Variants in FAAH2 observed in about 807,000 individuals in gnomAD.
FAAH2 encodes fatty acid amide hydrolase 2.
In FAAH2, 60 loss-of-function variants were observed where a neutral mutation model predicts 36.9. The observed-to-expected ratio is 1.63, with a 90% CI of 1.32 to 2.02. The LOEUF (loss-of-function observed/expected upper bound fraction) is 2.02. Ranked by LOEUF, FAAH2 falls within the 30% of genes most tolerant of loss-of-function variation. The pLI, the probability that FAAH2 is intolerant of heterozygous loss-of-function variation, is 0.00. For missense variants in FAAH2, 689 were observed against 397.5 expected (o/e 1.73, Z -6.23); for synonymous variants, 214 against 143.8 (o/e 1.49, Z -3.49).
chrX:57,383,248 C>G (rs985109286), intron 7 of FAAH2, among the ~76,000 whole-genome samples: 1 of 112,083 alleles, frequency 8.9e-6, no homozygotes, highest in Non-Finnish European at 1.9e-5. Flanking sequence ...TGGAAGCATT[C>G]CCTTTGAAAA....
intron 7 of FAAH2, among the ~76,000 whole-genome samples, chrX:57,389,040 T>C (rs2055096446): frequency 9.2e-6 from 1 of 108,890 alleles, no homozygotes; most frequent in South Asian, 3.9e-4. Flanking sequence ...ATTGTTATCT[T>C]TGAACAAAAG....
the FAAH2 span, among the ~76,000 whole-genome samples, chrX:57,253,101 C>T: frequency 2.7e-5 from 3 of 111,568 alleles, no homozygotes; most frequent in Non-Finnish European, 5.6e-5. Flanking sequence ...AACCACAGTA[C>T]TAGACTTCGT....
chrX:57,345,984 A>T (rs1017820218), intron 5 of FAAH2, among the ~76,000 whole-genome samples: 1 of 111,430 alleles, frequency 9.0e-6, no homozygotes, highest in African/African-American at 3.3e-5. Context: ...CTGATCCAAG[A>T]GTGTGTTTGG....
intron 7 of FAAH2, chrX:57,395,152 G>A: frequency 1.9e-6 from 1 of 536,053 alleles, no homozygotes. Context: ...TTCATTCAAA[G>A]ATATGATGTA....
chrX:57,419,438 TG>T (rs1468710422), intron 7 of FAAH2, among the ~76,000 whole-genome samples: 1 of 112,122 alleles, frequency 8.9e-6, no homozygotes, highest in African/African-American at 3.2e-5. Flanking sequence ...TATCTCATTG[TG>T]GTTTTGATTT....
chrX:57,150,432 A>G, the FAAH2 span, among the ~76,000 whole-genome samples: 8 of 111,979 alleles, frequency 7.1e-5, no homozygotes, highest in Admixed American at 1.9e-4. Context: ...TGCTTTATGA[A>G]TCTGGGTGCT....
At chrX:57,359,615 T>C (rs2054240432) in intron 5 of FAAH2, among the ~76,000 whole-genome samples, 1 of 112,077 alleles carries the variant, frequency 8.9e-6, no homozygotes, top group African/African-American at 3.2e-5. Context: ...CTTTATGTTA[T>C]TGATGTCAAA....
the FAAH2 span, among the ~76,000 whole-genome samples, chrX:57,225,416 C>A: frequency 1.8e-5 from 2 of 111,916 alleles, no homozygotes; most frequent in South Asian, 7.5e-4. Flanking sequence ...CATTCAGGAG[C>A]AGGTTATTTA....
chrX:57,212,240 C>CA, the FAAH2 span, among the ~76,000 whole-genome samples: 2 of 111,557 alleles, frequency 1.8e-5, no homozygotes, highest in Admixed American at 9.5e-5. Flanking sequence ...TCTCTACAAA[C>CA]AAAAAAAGTA....
chrX:57,175,555 A>C, the FAAH2 span, among the ~76,000 whole-genome samples: 1 of 111,753 alleles, frequency 8.9e-6, no homozygotes, highest in East Asian at 2.8e-4. Context: ...GAGCATTTAG[A>C]TGATTTACAT....
intron 10 of FAAH2, among the ~76,000 whole-genome samples, chrX:57,454,229 G>A (rs1050257221): frequency 4.4e-5 from 5 of 112,389 alleles, no homozygotes; most frequent in African/African-American, 1.6e-4. Flanking sequence ...TGTATCACCT[G>A]TGAAAACTAA....
the FAAH2 span, among the ~76,000 whole-genome samples, chrX:57,273,870 C>T: frequency 2.7e-5 from 3 of 111,145 alleles, no homozygotes; most frequent in Non-Finnish European, 1.9e-5. Context: ...CAGAAGCAAA[C>T]GAATTCAAAA....
the FAAH2 span, among the ~76,000 whole-genome samples, chrX:57,183,871 G>GGAC: frequency 9.0e-6 from 1 of 110,821 alleles, no homozygotes; most frequent in Non-Finnish European, 1.9e-5. Flanking sequence ...GCCTATAAAT[G>GGAC]GACGTGCAAG....
chrX:57,193,937 T>C, the FAAH2 span, among the ~76,000 whole-genome samples: 1 of 111,852 alleles, frequency 8.9e-6, no homozygotes, highest in South Asian at 3.7e-4. Flanking sequence ...TTTGTTGCAG[T>C]TTTTTGAATA....
chrX:57,468,592 A>G (rs1239159251), intron 10 of FAAH2, among the ~76,000 whole-genome samples: 1 of 112,181 alleles, frequency 8.9e-6, no homozygotes, highest in South Asian at 3.7e-4. Context: ...GAAATATGGG[A>G]CTATGTGAAA....
At chrX:57,321,178 CA>C (rs1417653154) in intron 3 of FAAH2, among the ~76,000 whole-genome samples, 1 of 109,738 alleles carries the variant, frequency 9.1e-6, no homozygotes, top group Non-Finnish European at 1.9e-5. Context: ...ATGTCCTTTG[CA>C]GGGACATGGA....
chrX:57,135,604 A>T, the FAAH2 span: 1 of 785,453 alleles, frequency 1.3e-6, no homozygotes, highest in Non-Finnish European at 1.8e-6. Flanking sequence ...CATCTACCAA[A>T]CACACCCGAA....
At chrX:57,419,321 T>G (rs2055940211) in intron 7 of FAAH2, among the ~76,000 whole-genome samples, 1 of 110,924 alleles carries the variant, frequency 9.0e-6, no homozygotes, top group East Asian at 2.9e-4. Context: ...TGAACTAGTT[T>G]ACAGTCCCAC....
At chrX:57,415,951 G>A (rs1442044711) in intron 7 of FAAH2, among the ~76,000 whole-genome samples, 1 of 111,444 alleles carries the variant, frequency 9.0e-6, no homozygotes, top group South Asian at 3.8e-4. Flanking sequence ...AGCTTTACTT[G>A]TTGCATTTAT....
Sources: allele counts gnomAD v4.1 joint callset (sites outside exome capture counted in the v4.1 genomes callset), GRCh38; gene constraint gnomAD v4.1.1; transcripts MANE v1.5; gene names NCBI Gene and HGNC (gene_info 2026-07-23, HGNC 2026-07-21).